UST: variants seen among roughly 807,000 people sequenced by gnomAD.
UST encodes the protein chondroitin sulfate 2-O-sulfotransferase.
Under a neutral mutation model 45.6 loss-of-function variants are expected in UST, and 21 were observed. That is an observed-to-expected ratio of 0.46 (90% CI 0.33 to 0.66). The LOEUF is 0.66. UST is among the 30% of genes least tolerant of loss of function. The probability of loss-of-function intolerance (pLI) is 0.02; values close to 1 mark genes in which losing one functional copy is unlikely to be tolerated. For synonymous variants in UST, 215 were observed against 200.6 expected, an observed-to-expected ratio of 1.07 and a Z score of -0.61; for missense variants, 463 against 512.4, an observed-to-expected ratio of 0.90 and a Z score of 0.93.
intron 1 of UST, among the ~76,000 whole-genome samples, chr6:148,844,866 C>T (rs777260752): frequency 6.6e-6 from 1 of 152,110 alleles, no homozygotes; most frequent in African/African-American, 2.4e-5. Flanking sequence ...CTCCCACTTA[C>T]AGGTGAGAAC....
At chr6:148,859,667 TG>T (rs1487818161) in intron 1 of UST, among the ~76,000 whole-genome samples, 1 of 152,250 alleles carries the variant, frequency 6.6e-6, no homozygotes, top group Non-Finnish European at 1.5e-5. Flanking sequence ...AATTAATTTT[TG>T]TATAAGGTGT....
Position 149,074,240 on chromosome 6 carries a change from A to C in UST, c.*124A>C. 9.1e-7 allele frequency: 1 copy of C among 1,103,098 alleles called. No individual in the cohort carries two copies. Among genetic ancestry groups the C allele is most frequent in the Non-Finnish European group, 1.3e-6 (1 of 775,996 alleles). The allele number at this position is 1,103,098 out of a possible 1,614,324, so 68.3% of individuals were successfully genotyped here. On this transcript the variant is annotated 3_prime_UTR_variant, in exon 8 of 8. Transcript: ENST00000367463. ...ATTAAAAAGAACAAAACATTCCCAC[A>C]TGTTGGGGTCATTGGGAGATGCCCG...
chr6:149,028,985 A>C (rs1257344560), intron 7 of UST, among the ~76,000 whole-genome samples: 3 of 152,210 alleles, frequency 2.0e-5, no homozygotes, highest in Admixed American at 2.0e-4. Flanking sequence ...TCAGAACACT[A>C]AATTAATGAA....
At chr6:148,783,346 T>A (rs1307716064) in intron 1 of UST, among the ~76,000 whole-genome samples, 1 of 152,156 alleles carries the variant, frequency 6.6e-6, no homozygotes. Flanking sequence ...GAACTGAACC[T>A]CCAATATCTC....
chr6:148,894,388 A>C (rs1779078532), intron 2 of UST, among the ~76,000 whole-genome samples: 1 of 152,206 alleles, frequency 6.6e-6, no homozygotes, highest in African/African-American at 2.4e-5. Context: ...TCTGTATAAG[A>C]AGAGGGAAAT....
chr6:148,940,425 C>T (rs955959913), intron 2 of UST, among the ~76,000 whole-genome samples: 4 of 151,952 alleles, frequency 2.6e-5, no homozygotes, highest in Non-Finnish European at 5.9e-5. Context: ...GCCCGGGAGA[C>T]GGAGGTTGGT....
At chr6:148,937,845 T>A (rs948188222) in intron 2 of UST, among the ~76,000 whole-genome samples, 1 of 152,234 alleles carries the variant, frequency 6.6e-6, no homozygotes. Context: ...GAGTTTATGT[T>A]GGCAGCTCTG....
chr6:148,856,273 C>T (rs147182447), intron 1 of UST, among the ~76,000 whole-genome samples: 2,162 of 152,190 alleles, frequency 0.014, 62 homozygotes, highest in African/African-American at 0.049. Flanking sequence ...GCCTCGGCCT[C>T]CCAAAGTGCT....
At chr6:148,800,919 A>G (rs1211437273) in intron 1 of UST, among the ~76,000 whole-genome samples, 3 of 152,118 alleles carry the variant, frequency 2.0e-5, no homozygotes, top group Admixed American at 6.5e-5. Context: ...AAATTATCTA[A>G]GAAAGATATT....
intron 5 of UST, among the ~76,000 whole-genome samples, chr6:149,008,828 C>G (rs1411437065): frequency 6.6e-6 from 1 of 152,194 alleles, no homozygotes; most frequent in African/African-American, 2.4e-5. Flanking sequence ...TTGAATGTTT[C>G]CTGAGAAAAG....
chr6:148,773,323 T>C (rs1171670033), intron 1 of UST, among the ~76,000 whole-genome samples: 3 of 152,076 alleles, frequency 2.0e-5, no homozygotes, highest in Middle Eastern at 6.3e-3. Context: ...TAGCCGGCTG[T>C]GGTGGCAGAT....
Position 148,811,809 on chromosome 6 carries a change from A to G in UST, c.247+64132A>G, listed in dbSNP as rs1296599755. Among the ~76,000 whole-genome samples the G allele has an allele frequency of 3.9e-5, 6 of 152,332 alleles. No homozygotes were observed. The East Asian group carries it at 9.6e-4, about 24-fold the overall frequency. ...TTGGAAGCTGCGGGTCTTCACTTCC[A>G]GTAACTTCTATTGCTAACAAACAAG... On this transcript the variant is annotated intron_variant, in intron 1 of 7. Coordinates refer to ENST00000367463, the MANE Select transcript of UST (RefSeq NM_005715.3).
intron 1 of UST, among the ~76,000 whole-genome samples, chr6:148,870,104 T>TCTCACACACACACA (rs377724567): frequency 7.4e-4 from 105 of 141,550 alleles, no homozygotes; most frequent in African/African-American, 2.5e-3. Flanking sequence ...TGGTAATGTT[T>TCTCACACACACACA]CACACACACA....
intron 5 of UST, among the ~76,000 whole-genome samples, chr6:148,974,528 T>C (rs1461502860): frequency 6.6e-6 from 1 of 152,178 alleles, no homozygotes; most frequent in Non-Finnish European, 1.5e-5. Context: ...TTTGATTTCA[T>C]CCCATGTTCT....
intron 2 of UST, among the ~76,000 whole-genome samples, chr6:148,925,170 G>T (rs1779788251): frequency 6.6e-6 from 1 of 152,128 alleles, no homozygotes; most frequent in South Asian, 2.1e-4. Context: ...GAGAGAAAAA[G>T]AAGGAGACTG....
At chr6:148,933,563 A>G (rs1303162313) in intron 2 of UST, among the ~76,000 whole-genome samples, 1 of 152,190 alleles carries the variant, frequency 6.6e-6, no homozygotes, top group East Asian at 1.9e-4. Context: ...TTGTGGATGG[A>G]AAGAGCCTTC....
At chr6:148,965,069 T>C (rs1780758467) in intron 5 of UST, among the ~76,000 whole-genome samples, 6 of 152,098 alleles carry the variant, frequency 3.9e-5, no homozygotes, top group Admixed American at 3.9e-4. Context: ...CTGTTTCGGG[T>C]TTCCTGCCTT....
chr6:148,849,376 T>C (rs1056941142), intron 1 of UST, among the ~76,000 whole-genome samples: 1 of 152,224 alleles, frequency 6.6e-6, no homozygotes, highest in Non-Finnish European at 1.5e-5. Context: ...GAAAATAGTA[T>C]ATTTATGTCA....
At chr6:148,864,906 A>G (rs1435993660) in intron 1 of UST, among the ~76,000 whole-genome samples, 1 of 152,206 alleles carries the variant, frequency 6.6e-6, no homozygotes, top group Non-Finnish European at 1.5e-5. Context: ...TATTTTCTCC[A>G]CAAGTGCTAA....
Sources: gnomAD v4.1 joint callset for allele counts (sites outside exome capture counted in the v4.1 genomes callset) on GRCh38, gnomAD v4.1.1 for gene constraint, MANE v1.5 for transcripts, NCBI Gene and HGNC (gene_info 2026-07-23, HGNC 2026-07-21) for gene names.